The following ERC1 variants were observed in gnomAD, a reference collection of about 807,000 sequenced individuals.
ERC1 encodes ELKS/RAB6-interacting/CAST family member 1, also known as RAB6 interacting protein 2.
ERC1 carries 56 observed loss-of-function variants against 132.0 expected under a neutral mutation model. That is an observed-to-expected ratio of 0.42 (90% CI 0.34 to 0.53). The LOEUF (loss-of-function observed/expected upper bound fraction) is 0.53, where lower values mean the gene tolerates loss of function less well. ERC1 is among the 20% of genes least tolerant of loss of function. The probability of loss-of-function intolerance (pLI) is 0.03; values close to 1 mark genes in which losing one functional copy is unlikely to be tolerated. For synonymous variants in ERC1, 478 were observed against 476.1 expected (o/e 1.00, Z -0.05); for missense variants, 1,202 against 1,349.9 (o/e 0.89, Z 1.72).
Position 1,206,108 on chromosome 12 carries a change from A to C in ERC1, c.2351+16056A>C, listed in dbSNP as rs531419162. On this transcript the variant is annotated intron_variant, in intron 12 of 18. Coordinates refer to ENST00000360905, the MANE Select transcript of ERC1 (RefSeq NM_178040.4). The stretch of plus-strand genomic sequence containing the variant: ...TTTTCCAAGGAATACAAAATAAAAT[A>C]GTCATTGTTTTTTCAGTGGCAAAGA... 2.0e-5 allele frequency among the ~76,000 whole-genome samples: 3 copies of C among 152,272 alleles called. No individual in the cohort carries two copies. The East Asian group carries it at 5.8e-4, about 29-fold the overall frequency.
intron 13 of ERC1, among the ~76,000 whole-genome samples, chr12:1,243,091 G>A (rs2154307592): frequency 6.6e-6 from 1 of 151,604 alleles, no homozygotes; most frequent in South Asian, 2.1e-4. Flanking sequence ...GGAGGCTGAG[G>A]CAGGAGAATG....
intron 15 of ERC1, among the ~76,000 whole-genome samples, chr12:1,338,968 G>A (rs972517718): frequency 6.6e-5 from 10 of 152,216 alleles, no homozygotes; most frequent in African/African-American, 2.4e-4. Context: ...CACTCTAATG[G>A]GTGGTGTCTG....
At chr12:1,298,973 A>G (rs1417429981) in intron 15 of ERC1, among the ~76,000 whole-genome samples, 1 of 152,198 alleles carries the variant, frequency 6.6e-6, no homozygotes, top group Non-Finnish European at 1.5e-5. Context: ...ACACATCCAA[A>G]TGACATAATA....
chr12:1,110,236 A>G lies in ERC1; in HGVS notation c.1206A>G (p.Glu402=), dbSNP rs772814803. The change falls in exon 5 of 19, where the codon GAA becomes GAG. Residue 402 remains glutamate (E), a synonymous_variant. Transcript: ENST00000360905. ...SSMERGLRDL[E]EEIQMLKSNG... is the part of the protein sequence containing the mutation. ...TGGAGCGTGGGCTTCGAGACCTGGA[A>G]GAGGAAATTCAGATGCTGAAATCGA... 4 of 1,613,716 alleles carry G rather than the reference A, an allele frequency of 2.5e-6. No individual in the cohort carries two copies. The highest frequency in any genetic ancestry group is 3.4e-6 in the Non-Finnish European group (4 of 1,179,788).
intron 18 of ERC1, among the ~76,000 whole-genome samples, chr12:1,484,583 C>CTT (rs542712129): frequency 0.29 from 40,228 of 137,900 alleles, 6,063 homozygotes; most frequent in Middle Eastern, 0.37. Flanking sequence ...TTTTCTTTTC[C>CTT]TTTTTTTTTT....
At chr12:1,481,379 G>A (rs557087427) in intron 18 of ERC1, among the ~76,000 whole-genome samples, 36 of 152,336 alleles carry the variant, frequency 2.4e-4, no homozygotes, top group Non-Finnish European at 3.7e-4. Context: ...AACAACACAT[G>A]CCTGTACTCC....
At chr12:1,312,500 A>G (rs1161636438) in intron 15 of ERC1, among the ~76,000 whole-genome samples, 1 of 152,072 alleles carries the variant, frequency 6.6e-6, no homozygotes, top group African/African-American at 2.4e-5. Flanking sequence ...TTGGGATTAT[A>G]GGTGCCTGCC....
chr12:1,425,406 A>G (rs2092604533), intron 17 of ERC1, among the ~76,000 whole-genome samples: 1 of 152,226 alleles, frequency 6.6e-6, no homozygotes, highest in Admixed American at 6.5e-5. Context: ...CAAACAGAGC[A>G]GAGAAACAAA....
intron 7 of ERC1, among the ~76,000 whole-genome samples, chr12:1,131,856 C>T (rs983575606): frequency 6.6e-6 from 1 of 152,166 alleles, no homozygotes; most frequent in Admixed American, 6.5e-5. Flanking sequence ...ACCTTGTAGA[C>T]AAAAGCCTTC....
chr12:1,098,004 G>C (rs1176168753), intron 3 of ERC1, among the ~76,000 whole-genome samples: 1 of 152,152 alleles, frequency 6.6e-6, no homozygotes, highest in Non-Finnish European at 1.5e-5. Context: ...CGTGAGCCAT[G>C]GTGCCCGGAC....
At chr12:1,277,233 C>T (rs191436893) in intron 14 of ERC1, among the ~76,000 whole-genome samples, 8 of 152,336 alleles carry the variant, frequency 5.3e-5, no homozygotes, top group African/African-American at 1.4e-4. Context: ...GAGCCTTCCA[C>T]TCGGAAGTAC....
At chr12:1,452,898 T>TA (rs1480517112) in intron 18 of ERC1, among the ~76,000 whole-genome samples, 4 of 152,208 alleles carry the variant, frequency 2.6e-5, no homozygotes, top group African/African-American at 9.6e-5. Context: ...CCACTCTAGT[T>TA]ACCTTCATGG....
At chr12:1,423,048 A>G (rs926903936) in intron 17 of ERC1, among the ~76,000 whole-genome samples, 3 of 152,158 alleles carry the variant, frequency 2.0e-5, no homozygotes, top group African/African-American at 7.2e-5. Flanking sequence ...CTGAGTTCCT[A>G]CATAAACAAA....
At chr12:1,211,940 C>A (rs968280373) in intron 12 of ERC1, among the ~76,000 whole-genome samples, 2 of 151,970 alleles carry the variant, frequency 1.3e-5, no homozygotes, top group Non-Finnish European at 2.9e-5. Flanking sequence ...TTAAGGAGGT[C>A]AATTAAATAT....
intron 8 of ERC1, among the ~76,000 whole-genome samples, chr12:1,156,192 C>G (rs939780506): frequency 7.2e-5 from 11 of 151,878 alleles, no homozygotes; most frequent in African/African-American, 2.7e-4. Flanking sequence ...TAAATTTAAC[C>G]TAAGATTTAC....
chr12:1,242,390 A>C (rs2075867298), intron 13 of ERC1, among the ~76,000 whole-genome samples: 1 of 152,152 alleles, frequency 6.6e-6, no homozygotes, highest in Non-Finnish European at 1.5e-5. Flanking sequence ...TTTATTATTT[A>C]TCATGTTAAA....
At chr12:1,182,416 T>A (rs542009233) in intron 10 of ERC1, among the ~76,000 whole-genome samples, 1 of 152,364 alleles carries the variant, frequency 6.6e-6, no homozygotes, top group African/African-American at 2.4e-5. Flanking sequence ...GGAAATTTTA[T>A]GTATAGCAAC....
At chr12:1,009,159 T>C (rs1380535027) in intron 1 of ERC1, among the ~76,000 whole-genome samples, 1 of 152,024 alleles carries the variant, frequency 6.6e-6, no homozygotes, top group Non-Finnish European at 1.5e-5. Flanking sequence ...GAATATGCAG[T>C]ATCTTGTGGT....
intron 15 of ERC1, among the ~76,000 whole-genome samples, chr12:1,339,013 C>T (rs77074219): frequency 0.029 from 4,422 of 152,314 alleles, 89 homozygotes; most frequent in South Asian, 0.087. Context: ...CAGCAGGATC[C>T]GTCCTCATTT....
Sources: gnomAD v4.1 joint callset for allele counts (sites outside exome capture counted in the v4.1 genomes callset) on GRCh38, gnomAD v4.1.1 for gene constraint, MANE v1.5 for transcripts, NCBI Gene and HGNC (gene_info 2026-07-23, HGNC 2026-07-21) for gene names.